The following TPRG1 variants were observed in gnomAD, a reference collection of about 807,000 sequenced individuals.
TPRG1 encodes the protein tumor protein p63-regulated gene 1 protein.
In TPRG1, 29 loss-of-function variants were observed where a neutral mutation model predicts 29.3. That is an observed-to-expected ratio of 0.99 (90% CI 0.74 to 1.35). The LOEUF is 1.35. Ranked by LOEUF, TPRG1 falls within the 40% of genes most tolerant of loss-of-function variation. TPRG1 has a pLI of 0.00. For synonymous variants in TPRG1, 130 were observed against 116.8 expected, an observed-to-expected ratio of 1.11 and a Z score of -0.73; for missense variants, 327 against 335.0, an observed-to-expected ratio of 0.98 and a Z score of 0.19.
intron 1 of TPRG1, among the ~76,000 whole-genome samples, chr3:189,112,254 A>G (rs887526366): frequency 1.3e-5 from 2 of 152,136 alleles, no homozygotes; most frequent in African/African-American, 4.8e-5. Context: ...ATTGGTCTAT[A>G]ATTTTCTCTC....
chr3:189,304,225 A>G (rs1721279002), intron 4 of TPRG1, among the ~76,000 whole-genome samples: 1 of 151,880 alleles, frequency 6.6e-6, no homozygotes, highest in South Asian at 2.1e-4. Context: ...TCTAGTTTTA[A>G]CTACCTGATA....
chr3:189,092,875 A>G (rs1358767927), intron 4 of TPRG1, among the ~76,000 whole-genome samples: 1 of 152,198 alleles, frequency 6.6e-6, no homozygotes, highest in Non-Finnish European at 1.5e-5. Context: ...AACTTGTTTA[A>G]CAAATGCATC....
intron 1 of TPRG1, among the ~76,000 whole-genome samples, chr3:189,187,873 C>G (rs116766070): frequency 6.6e-6 from 1 of 152,104 alleles, no homozygotes; most frequent in Non-Finnish European, 1.5e-5. Flanking sequence ...AAAGCGTTGA[C>G]GTAATTAATT....
intron 2 of TPRG1, among the ~76,000 whole-genome samples, chr3:189,213,327 C>A (rs865834817): frequency 2.6e-5 from 4 of 152,058 alleles, no homozygotes; most frequent in South Asian, 4.2e-4. Context: ...GAGATTTACA[C>A]CTTGATGTCC....
chr3:189,046,734 A>C (rs1715001515), intron 4 of TPRG1, among the ~76,000 whole-genome samples: 1 of 152,150 alleles, frequency 6.6e-6, no homozygotes, highest in South Asian at 2.1e-4. Flanking sequence ...ATTCTTTTTA[A>C]AAAGTTTTAA....
chr3:189,180,707 A>G (rs1359974440), intron 1 of TPRG1, among the ~76,000 whole-genome samples: 2 of 152,140 alleles, frequency 1.3e-5, no homozygotes, highest in Admixed American at 1.3e-4. Flanking sequence ...TTGAGTATCT[A>G]TGGCTTTTCC....
intron 4 of TPRG1, among the ~76,000 whole-genome samples, chr3:189,042,842 T>C (rs1322910664): frequency 1.3e-5 from 2 of 152,072 alleles, no homozygotes; most frequent in Non-Finnish European, 2.9e-5. Flanking sequence ...CTGAGGTCCA[T>C]AGGAAGGAAG....
rs189484202 is a variant in TPRG1 at position 189,219,778 on chromosome 3, C to T, written c.302+4395C>T. The T allele has an allele frequency of 4.4e-4, 480 of 1,093,170 alleles. No homozygotes were observed. In the African/African-American group the frequency reaches 6.1e-3, roughly 14 times the overall value. The allele number at this position is 1,093,170 out of a possible 1,614,324, so 67.7% of individuals were successfully genotyped here. A position where few individuals can be genotyped will look rare whatever the true frequency, so the allele number is the denominator to read the frequency against. Reference sequence around the variant, plus strand: ...TGGGCGATTGTTGTTCTTAATTCTTCTTATTCCTCATTGAGAGTAGTTGCC... The same window carrying T: ...TGGGCGATTGTTGTTCTTAATTCTTTTTATTCCTCATTGAGAGTAGTTGCC... On this transcript the variant is annotated intron_variant, in intron 3 of 5. Transcript: ENST00000345063.
At chr3:189,163,069 C>G (rs563286224) in intron 5 of TPRG1, among the ~76,000 whole-genome samples, 4 of 152,072 alleles carry the variant, frequency 2.6e-5, no homozygotes, top group Non-Finnish European at 5.9e-5. Context: ...GTCAGGAGTT[C>G]GAGACAAGCC....
intron 5 of TPRG1, among the ~76,000 whole-genome samples, chr3:189,156,356 A>G (rs57997639): frequency 1.0e-5 from 1 of 99,378 alleles, no homozygotes; most frequent in Non-Finnish European, 2.6e-5. Context: ...AACTATAAGT[A>G]AAAAAAAAAA....
chr3:189,151,492 T>C (rs1246304251), intron 5 of TPRG1, among the ~76,000 whole-genome samples: 2 of 152,118 alleles, frequency 1.3e-5, no homozygotes, highest in African/African-American at 4.8e-5. Flanking sequence ...CTGAGGCCAT[T>C]AAACTCCTTT....
At chr3:189,030,965 A>G (rs367675615) in intron 4 of TPRG1, among the ~76,000 whole-genome samples, 43 of 152,310 alleles carry the variant, frequency 2.8e-4, no homozygotes, top group African/African-American at 7.5e-4. Flanking sequence ...ATTACTGGAG[A>G]AAATATTCAA....
intron 4 of TPRG1, among the ~76,000 whole-genome samples, chr3:189,297,523 G>A (rs1720154035): frequency 6.6e-6 from 1 of 152,090 alleles, no homozygotes; most frequent in African/African-American, 2.4e-5. Context: ...GGTGGGGTTA[G>A]GATCACCTGG....
At chr3:189,153,458 G>T (rs1451193634) in intron 5 of TPRG1, among the ~76,000 whole-genome samples, 3 of 152,136 alleles carry the variant, frequency 2.0e-5, no homozygotes, top group Non-Finnish European at 4.4e-5. Flanking sequence ...TGTAAAATTT[G>T]CACTGGAGAA....
At chr3:189,245,165 G>A (rs535767437) in intron 4 of TPRG1, among the ~76,000 whole-genome samples, 103 of 152,162 alleles carry the variant, frequency 6.8e-4, no homozygotes, top group Non-Finnish European at 6.8e-4. Flanking sequence ...CAGGTGATCC[G>A]CCTGCCTTGG....
chr3:189,272,600 GTCTCTTCTCT>G (rs149099918), intron 4 of TPRG1, among the ~76,000 whole-genome samples: 1 of 151,666 alleles, frequency 6.6e-6, no homozygotes, highest in Non-Finnish European at 1.5e-5. Flanking sequence ...CTTCTGCCAA[GTCTCTTCTCT>G]TCTCTTCTTT....
Position 189,322,882 on chromosome 3 carries a change from G to C in TPRG1, c.*2062G>C, listed in dbSNP as rs976764054. On this transcript the variant is annotated 3_prime_UTR_variant, in exon 6 of 6. Coordinates refer to ENST00000345063, the MANE Select transcript of TPRG1 (RefSeq NM_198485.4). ...GTAACAATGGGATAAGCATTTAATG[G>C]AATCAAAGCTGTTTTGCATAAAGAG... The C allele has an allele frequency of 3.9e-5, 6 of 152,082 alleles. No individual in the cohort carries two copies. Among genetic ancestry groups the C allele is most frequent in the African/African-American group, 1.4e-4 (6 of 41,430 alleles). 9.4% of individuals were successfully genotyped at this position (152,082 alleles called of 1,614,324 possible). A position where few individuals can be genotyped will look rare whatever the true frequency, so the allele number is the denominator to read the frequency against.
chr3:189,324,112 T>C lies in TPRG1; in HGVS notation c.*3292T>C, dbSNP rs1026116367. ...GTCATCTAAGGCAGAAAAGAGAAGC[T>C]CACTTATAAGTTGGCACTTCTGAAT... On this transcript the variant is annotated 3_prime_UTR_variant, in exon 6 of 6. Coordinates refer to ENST00000345063, the MANE Select transcript of TPRG1 (RefSeq NM_198485.4). 1 of 152,144 alleles carries C rather than the reference T, an allele frequency of 6.6e-6. No homozygotes were observed. The highest frequency in any genetic ancestry group is 2.1e-4 in the South Asian group (1 of 4,826). The allele number at this position is 152,144 out of a possible 1,614,324, so 9.4% of individuals were successfully genotyped here.
chr3:189,100,852 T>C (rs2152190105), intron 1 of TPRG1, among the ~76,000 whole-genome samples: 1 of 152,320 alleles, frequency 6.6e-6, no homozygotes, highest in Middle Eastern at 3.4e-3. Context: ...CACCGCAAGC[T>C]AAGTTTCTGG....
Sources: allele counts gnomAD v4.1 joint callset (sites outside exome capture counted in the v4.1 genomes callset), GRCh38; gene constraint gnomAD v4.1.1; transcripts MANE v1.5; gene names NCBI Gene and HGNC (gene_info 2026-07-23, HGNC 2026-07-21).